The following TBC1D32 variants were observed in gnomAD, a reference collection of about 807,000 sequenced individuals.
TBC1D32 encodes TBC1 domain family member 32, also known as protein broad-minded.
In TBC1D32, 151 loss-of-function variants were observed where a neutral mutation model predicts 170.3. The ratio of observed to expected loss-of-function variants is 0.89; its 90% CI spans 0.78 to 1.01. The LOEUF (loss-of-function observed/expected upper bound fraction) is 1.01. TBC1D32 is among the 50% of genes least tolerant of loss of function. The probability of loss-of-function intolerance (pLI) is 0.00; values close to 1 mark genes in which losing one functional copy is unlikely to be tolerated. For synonymous variants in TBC1D32, 498 were observed against 488.0 expected (o/e 1.02, Z -0.27); for missense variants, 1,464 against 1,457.1 (o/e 1.00, Z -0.08).
At chr6:121,119,529 C>T (rs993689162) in intron 26 of TBC1D32, among the ~76,000 whole-genome samples, 5 of 151,430 alleles carry the variant, frequency 3.3e-5, no homozygotes, top group East Asian at 3.9e-4. Flanking sequence ...ACTAGCATTA[C>T]GAAGAGAAAA....
At chr6:121,153,933 G>C (rs888117287) in intron 24 of TBC1D32, among the ~76,000 whole-genome samples, 1 of 151,992 alleles carries the variant, frequency 6.6e-6, no homozygotes, top group Non-Finnish European at 1.5e-5. Context: ...TGGGCTCCAT[G>C]GGGGTAGGAT....
At chr6:121,095,897 T>TTG (rs1354576346) in intron 30 of TBC1D32, 1 of 152,154 alleles carries the variant, frequency 6.6e-6, no homozygotes, top group Non-Finnish European at 1.5e-5. Flanking sequence ...ATTTTCTTTT[T>TTG]TGTGTGTGTC....
chr6:121,112,316 T>C, intron 29 of TBC1D32, 189 bp downstream of exon 29: 1 of 432,444 alleles, frequency 2.3e-6, no homozygotes, highest in East Asian at 3.9e-5. Context: ...TACTATTAGG[T>C]AAGACACCAA....
intron 29 of TBC1D32, among the ~76,000 whole-genome samples, chr6:121,111,051 A>T (rs990611371): frequency 3.3e-5 from 5 of 152,216 alleles, no homozygotes; most frequent in African/African-American, 7.2e-5. Context: ...ATCATTCCGA[A>T]AACCCCGAGC....
intron 21 of TBC1D32, among the ~76,000 whole-genome samples, chr6:121,208,404 G>A (rs903436602): frequency 6.6e-6 from 1 of 152,036 alleles, no homozygotes; most frequent in Non-Finnish European, 1.5e-5. Flanking sequence ...GGAGCAAAGT[G>A]GGGAAAAGCT....
At chr6:121,317,739 T>C (rs1363926229) in intron 2 of TBC1D32, 67 bp from the exon 3 acceptor site, 1 of 1,157,658 alleles carries the variant, frequency 8.6e-7, no homozygotes, top group Non-Finnish European at 1.2e-6. Context: ...ACTAGTTAAA[T>C]TATCTAATTT....
chr6:121,205,178 C>T lies in TBC1D32; in HGVS notation c.2482-15G>A, dbSNP rs768175628. On this transcript the variant is annotated splice_polypyrimidine_tract_variant and intron_variant, in intron 21 of 31. Transcript: ENST00000398212. Reference sequence around the variant, plus strand: ...TCAATAATATCCTGAAAAAGACAGACAAAATGAGACTGTATTTAACTGATA... The same window carrying T: ...TCAATAATATCCTGAAAAAGACAGATAAAATGAGACTGTATTTAACTGATA... 8.1e-7 allele frequency: 1 copy of T among 1,228,708 alleles called. No individual in the cohort carries two copies. The highest frequency in any genetic ancestry group is 1.1e-6 in the Non-Finnish European group (1 of 880,742). The allele number at this position is 1,228,708 out of a possible 1,614,324, so 76.1% of individuals were successfully genotyped here. A position where few individuals can be genotyped will look rare whatever the true frequency, so the allele number is the denominator to read the frequency against.
rs139412933 is a variant in TBC1D32 at position 121,240,501 on chromosome 6, C to T, written c.2245+964G>A. On this transcript the variant is annotated intron_variant, in intron 19 of 31. Transcript: ENST00000398212. ...TTAAAGAGAGAATCAGTAGTGATCA[C>T]TCATGTTATAATTCAACTCTAAGCC... 4.9e-3 allele frequency among the ~76,000 whole-genome samples: 735 copies of T among 150,964 alleles called. 3 individuals carry two copies. The highest frequency in any genetic ancestry group is 5.8e-3 in the Non-Finnish European group (393 of 67,862).
intron 15 of TBC1D32, among the ~76,000 whole-genome samples, chr6:121,273,942 G>C (rs1450901371): frequency 2.0e-5 from 3 of 152,142 alleles, no homozygotes; most frequent in Non-Finnish European, 4.4e-5. Context: ...CCATGTGGCT[G>C]TGCTGGAGTT....
chr6:121,198,932 C>T (rs1293663591), intron 22 of TBC1D32, among the ~76,000 whole-genome samples: 1 of 151,272 alleles, frequency 6.6e-6, no homozygotes, highest in Non-Finnish European at 1.5e-5. Context: ...AATAAAGTCA[C>T]TGATGCTGCC....
intron 24 of TBC1D32, among the ~76,000 whole-genome samples, chr6:121,145,642 G>A (rs1355487893): frequency 6.6e-6 from 1 of 152,114 alleles, no homozygotes; most frequent in Non-Finnish European, 1.5e-5. Context: ...GTGAGATTAT[G>A]CATATGTTAA....
chr6:121,220,665 G>C (rs533489197), intron 21 of TBC1D32, among the ~76,000 whole-genome samples: 302 of 116,964 alleles, frequency 2.6e-3, no homozygotes, highest in Admixed American at 5.1e-3. Context: ...TTTTGAGATT[G>C]AGTCTCATTC....
chr6:121,257,105 G>C (rs1317376428), intron 15 of TBC1D32, among the ~76,000 whole-genome samples: 1 of 152,108 alleles, frequency 6.6e-6, no homozygotes, highest in Non-Finnish European at 1.5e-5. Context: ...TGATTTGTTG[G>C]AAAAACAGTC....
intron 21 of TBC1D32, among the ~76,000 whole-genome samples, chr6:121,217,973 G>C (rs923383510): frequency 1.3e-5 from 2 of 152,206 alleles, no homozygotes; most frequent in East Asian, 1.9e-4. Context: ...ACAGGAAACA[G>C]AATTGATTTG....
intron 25 of TBC1D32, among the ~76,000 whole-genome samples, chr6:121,128,319 T>C (rs1401797120): frequency 1.3e-5 from 2 of 152,182 alleles, no homozygotes; most frequent in African/African-American, 4.8e-5. Context: ...TATGTGGTCA[T>C]TGAACCTATG....
At chr6:121,105,722 C>A (rs1245597506) in intron 30 of TBC1D32, among the ~76,000 whole-genome samples, 1 of 151,868 alleles carries the variant, frequency 6.6e-6, no homozygotes, top group African/African-American at 2.4e-5. Context: ...GAATTCTTGC[C>A]CTCTGTTACC....
chr6:121,210,834 G>A (rs534517528), intron 21 of TBC1D32, among the ~76,000 whole-genome samples: 34 of 152,278 alleles, frequency 2.2e-4, no homozygotes, highest in South Asian at 1.7e-3. Flanking sequence ...ACAAAGACCC[G>A]AGAGTAGCCT....
chr6:121,089,936 CTTT>C (rs778272700), intron 31 of TBC1D32, among the ~76,000 whole-genome samples: 4 of 138,674 alleles, frequency 2.9e-5, no homozygotes, highest in Non-Finnish European at 3.2e-5. Context: ...TTCAAAGATT[CTTT>C]TTTTTTTTTT....
chr6:121,109,432 A>C (rs1438592109), intron 29 of TBC1D32, among the ~76,000 whole-genome samples: 1 of 152,180 alleles, frequency 6.6e-6, no homozygotes, highest in Non-Finnish European at 1.5e-5. Flanking sequence ...CAGTTTAATT[A>C]GATTTCCTTT....
Sources: gnomAD v4.1 joint callset for allele counts (sites outside exome capture counted in the v4.1 genomes callset) on GRCh38, gnomAD v4.1.1 for gene constraint, MANE v1.5 for transcripts, NCBI Gene and HGNC (gene_info 2026-07-23, HGNC 2026-07-21) for gene names.